The following SLC9A9 variants were observed in gnomAD, a reference collection of about 807,000 sequenced individuals.
SLC9A9 encodes the protein sodium/hydrogen exchanger 9.
A neutral mutation model predicts 77.8 loss-of-function variants in SLC9A9; 62 were observed. The ratio of observed to expected loss-of-function variants is 0.80; its 90% CI spans 0.65 to 0.98. The LOEUF (loss-of-function observed/expected upper bound fraction) is 0.98, where lower values mean the gene tolerates loss of function less well. Ranked by LOEUF, SLC9A9 falls within the 50% of genes least tolerant of loss-of-function variation. The pLI, the probability that SLC9A9 is intolerant of heterozygous loss-of-function variation, is 0.00. For missense variants in SLC9A9, 775 were observed against 774.9 expected (o/e 1.00, Z 0.00); for synonymous variants, 320 against 283.5 (o/e 1.13, Z -1.29).
intron 6 of SLC9A9, among the ~76,000 whole-genome samples, chr3:143,580,980 A>G (rs1182196920): frequency 6.6e-6 from 1 of 152,212 alleles, no homozygotes; most frequent in Non-Finnish European, 1.5e-5. Context: ...TCCAATAAAC[A>G]TCTTATCAAA....
chr3:143,325,303 G>A (rs1038581677), intron 14 of SLC9A9, among the ~76,000 whole-genome samples: 1 of 152,198 alleles, frequency 6.6e-6, no homozygotes, highest in Non-Finnish European at 1.5e-5. Context: ...CTTAAGCAAT[G>A]GAAGCTTGGG....
chr3:143,805,810 CT>C (rs1386135414), intron 2 of SLC9A9, among the ~76,000 whole-genome samples: 3 of 152,112 alleles, frequency 2.0e-5, no homozygotes, highest in African/African-American at 4.8e-5. Context: ...GGCCCCACCC[CT>C]ATCTCCCTTC....
chr3:143,385,172 A>G (rs1004049014), intron 12 of SLC9A9, among the ~76,000 whole-genome samples: 4 of 151,700 alleles, frequency 2.6e-5, no homozygotes, highest in African/African-American at 9.7e-5. Flanking sequence ...TGTATCTGCC[A>G]GTTAGATTGC....
chr3:143,842,245 G>C (rs752622650), intron 1 of SLC9A9, among the ~76,000 whole-genome samples: 2 of 152,170 alleles, frequency 1.3e-5, no homozygotes, highest in Non-Finnish European at 2.9e-5. Flanking sequence ...GCCAGGCGTG[G>C]TGGTGGGCGC....
Position 143,759,377 on chromosome 3 carries a change from C to T in SLC9A9, c.533+35624G>A, listed in dbSNP as rs79694734. On this transcript the variant is annotated intron_variant, in intron 4 of 15. Transcript: ENST00000316549. Reference sequence around the variant, plus strand: ...AATTTGGGATTAGTATAGAAATAACCGGTCAGTCAGTCTGATTGGTCTTAT... The same window carrying T: ...AATTTGGGATTAGTATAGAAATAACTGGTCAGTCAGTCTGATTGGTCTTAT... 5.1e-3 allele frequency among the ~76,000 whole-genome samples: 779 copies of T among 151,778 alleles called. 12 individuals carry two copies. Among genetic ancestry groups the T allele is most frequent in the African/African-American group, 0.018 (751 of 41,268 alleles).
rs1218056307 is a variant in SLC9A9 at position 143,275,929 on chromosome 3, T to A, written c.1605-6949A>T. On this transcript the variant is annotated intron_variant, in intron 14 of 15. Coordinates refer to ENST00000316549, the MANE Select transcript of SLC9A9 (RefSeq NM_173653.4). ...ATGAGGCAGGATTTAGAAAACTTTC[T>A]AAGCTTCAGAGTTCTCTCTTCGGTT... is the stretch of plus-strand genomic sequence containing the variant. Among the ~76,000 whole-genome samples the A allele has an allele frequency of 2.0e-5, 3 of 152,348 alleles. No individual in the cohort carries two copies. In the South Asian group the frequency reaches 6.2e-4, roughly 32 times the overall value.
chr3:143,290,987 C>G (rs914591421), intron 14 of SLC9A9, among the ~76,000 whole-genome samples: 2 of 152,188 alleles, frequency 1.3e-5, no homozygotes, highest in Admixed American at 6.5e-5. Context: ...ACCTGACACA[C>G]AGTTGATGCT....
chr3:143,628,469 T>G (rs922112159), intron 6 of SLC9A9, among the ~76,000 whole-genome samples: 1 of 152,106 alleles, frequency 6.6e-6, no homozygotes, highest in African/African-American at 2.4e-5. Context: ...AAAAACAGAA[T>G]GGTTGTATGG....
intron 6 of SLC9A9, among the ~76,000 whole-genome samples, chr3:143,608,774 A>T (rs2037969539): frequency 6.6e-6 from 1 of 152,208 alleles, no homozygotes; most frequent in African/African-American, 2.4e-5. Context: ...CATTGAGGTT[A>T]AGATGTGGTT....
chr3:143,366,472 C>A (rs1008945936), intron 13 of SLC9A9, among the ~76,000 whole-genome samples: 1 of 152,182 alleles, frequency 6.6e-6, no homozygotes, highest in African/African-American at 2.4e-5. Flanking sequence ...GCCTTTAATT[C>A]AAAAGCACAG....
intron 4 of SLC9A9, among the ~76,000 whole-genome samples, chr3:143,771,846 G>T (rs187136393): frequency 5.6e-4 from 85 of 152,246 alleles, no homozygotes; most frequent in African/African-American, 1.9e-3. Flanking sequence ...TTCCCAGGGG[G>T]TGGAGAAGGG....
intron 1 of SLC9A9, among the ~76,000 whole-genome samples, chr3:143,836,443 C>A (rs556342529): frequency 2.0e-5 from 3 of 152,232 alleles, no homozygotes; most frequent in African/African-American, 7.2e-5. Context: ...AAAGGTCCTC[C>A]GAGTTTATGT....
At chr3:143,732,595 C>A (rs746128618) in intron 4 of SLC9A9, among the ~76,000 whole-genome samples, 4 of 152,190 alleles carry the variant, frequency 2.6e-5, no homozygotes, top group Non-Finnish European at 5.9e-5. Flanking sequence ...AACCTCTGAC[C>A]ACTCTGACTT....
intron 4 of SLC9A9, among the ~76,000 whole-genome samples, chr3:143,754,177 G>A (rs2006845568): frequency 6.6e-6 from 1 of 152,188 alleles, no homozygotes; most frequent in Admixed American, 6.5e-5. Flanking sequence ...GGAGAAGTGA[G>A]ATAAGAGGGA....
chr3:143,318,538 C>T (rs1424928490), intron 14 of SLC9A9, among the ~76,000 whole-genome samples: 2 of 152,140 alleles, frequency 1.3e-5, no homozygotes, highest in African/African-American at 4.8e-5. Context: ...CACAATTAGC[C>T]AGTAAATGTA....
chr3:143,544,829 TAA>T (rs1176282339), intron 9 of SLC9A9, among the ~76,000 whole-genome samples: 6 of 152,218 alleles, frequency 3.9e-5, no homozygotes, highest in African/African-American at 1.2e-4. Flanking sequence ...TAATCCATCT[TAA>T]GTTAGTTTTT....
At chr3:143,699,332 A>AC (rs1491458746) in intron 4 of SLC9A9, among the ~76,000 whole-genome samples, 1 of 28,454 alleles carries the variant, frequency 3.5e-5, no homozygotes, top group African/African-American at 2.6e-4. Context: ...CTATCTACAC[A>AC]AAAAAAAAGC....
rs180853520 is a variant in SLC9A9 at position 143,628,972 on chromosome 3, C to G, written c.755+23283G>C. 9.1e-4 allele frequency among the ~76,000 whole-genome samples: 138 copies of G among 152,208 alleles called. 1 individual carries two copies. Among genetic ancestry groups the G allele is most frequent in the African/African-American group, 3.1e-3 (130 of 41,528 alleles). On this transcript the variant is annotated intron_variant, in intron 6 of 15. Transcript: ENST00000316549. ...ATATATTTTTTCCAAAAGATTAAATCAATCATCAGCAAAGGAGCTACACTA... is the reference window on the plus strand; with the variant it reads ...ATATATTTTTTCCAAAAGATTAAATGAATCATCAGCAAAGGAGCTACACTA...
At chr3:143,279,901 C>G (rs530620500) in intron 14 of SLC9A9, among the ~76,000 whole-genome samples, 2 of 152,304 alleles carry the variant, frequency 1.3e-5, no homozygotes, top group East Asian at 3.9e-4. Flanking sequence ...CTCACTGCAG[C>G]CTCGACCTCC....
Sources: gnomAD v4.1 joint callset for allele counts (sites outside exome capture counted in the v4.1 genomes callset) on GRCh38, gnomAD v4.1.1 for gene constraint, MANE v1.5 for transcripts, NCBI Gene and HGNC (gene_info 2026-07-23, HGNC 2026-07-21) for gene names.